EIF3G: variants seen among roughly 807,000 people sequenced by gnomAD.
The protein encoded by EIF3G is eukaryotic translation initiation factor 3 RNA-binding subunit.
EIF3G carries 10 observed loss-of-function variants against 41.7 expected under a neutral mutation model. The observed-to-expected ratio is 0.24, with a 90% confidence interval of 0.15 to 0.41. The LOEUF is 0.41. Among genes scored for constraint, EIF3G ranks in the 10% least tolerant of loss-of-function variants. The pLI is 1.00. For synonymous variants in EIF3G, 204 were observed against 172.5 expected (o/e 1.18, Z -1.43); for missense variants, 297 against 444.0 (o/e 0.67, Z 2.98).
chr19:10,115,042 T>G lies in EIF3G; in HGVS notation c.*72A>C. The stretch of plus-strand genomic sequence containing the variant: ...AGAGAGTGGAGCTGCTTTATTGCCC[T>G]TGGAGCCCGCGCTCTCGGAGGCTGT... On this transcript the variant is annotated 3_prime_UTR_variant, in exon 11 of 11. Coordinates refer to ENST00000253108, the MANE Select transcript of EIF3G (RefSeq NM_003755.5). The G allele has an allele frequency of 6.2e-7, 1 of 1,603,518 alleles. No homozygotes were observed. The highest frequency in any genetic ancestry group is 1.1e-5 in the South Asian group (1 of 89,862).
chr19:10,117,412 G>A (rs2089269070), intron 5 of EIF3G: 1 of 546,952 alleles, frequency 1.8e-6, no homozygotes, highest in South Asian at 2.5e-5. Flanking sequence ...CCGGGTCCAG[G>A]TGACAGCTAC....
rs764944778 is a variant in EIF3G at position 10,115,076 on chromosome 19, G to T, written c.*38C>A. The stretch of plus-strand genomic sequence containing the variant: ...GCGCTCTCGGAGGCTGTCTTCTGTC[G>T]CCAAGGGTCCCGGACCGAGTACACA... On this transcript the variant is annotated 3_prime_UTR_variant, in exon 11 of 11. Coordinates refer to ENST00000253108, the MANE Select transcript of EIF3G (RefSeq NM_003755.5). The T allele has an allele frequency of 3.1e-6, 5 of 1,613,630 alleles. No homozygotes were observed. Among genetic ancestry groups the T allele is most frequent in the Non-Finnish European group, 4.2e-6 (5 of 1,179,910 alleles).
chr19:10,118,699 C>T lies in EIF3G; in HGVS notation c.269G>A (p.Arg90Gln), dbSNP rs1164657255. The change falls in exon 5 of 11, where the codon CGG becomes CAG. Residue 90 changes from arginine (R) to glutamine (Q), a missense_variant. Around this residue, in one of 4 missense-constraint regions of EIF3G, gnomAD observed 147 missense variants for 162.4 expected, o/e 0.91. Transcript: ENST00000253108. ...KIVRTFRIET[R>Q]KASKAVARRK... ...CCTTGCGACAGCCTTTGAAGCCTTC[C>T]GGGTCTCAATCCTGAAGGTGCGGAC... is the stretch of plus-strand genomic sequence containing the variant. The T allele has an allele frequency of 5.0e-6, 8 of 1,614,086 alleles. No homozygotes were observed. Among genetic ancestry groups the T allele is most frequent in the East Asian group, 2.2e-5 (1 of 44,882 alleles).
At position 10,116,327 on chromosome 19, in the gene EIF3G, CAG is replaced by C. The variant is rs1351513886; in HGVS notation, c.596-255_596-254del. 1.4e-5 allele frequency: 8 copies of C among 571,472 alleles called. No individual in the cohort carries two copies. The highest frequency in any genetic ancestry group is 3.8e-5 in the African/African-American group (2 of 53,158). 35.4% of individuals were successfully genotyped at this position (571,472 alleles called of 1,614,324 possible). A position where few individuals can be genotyped will look rare whatever the true frequency, so the allele number is the denominator to read the frequency against. On this transcript the variant is annotated intron_variant, in intron 7 of 10. Transcript: ENST00000253108. The surrounding 1 kb of genome is among the most constrained non-coding windows in gnomAD (Gnocchi z 4.1). The stretch of plus-strand genomic sequence containing the variant: ...CACCCCAGAGAGGGCGGGAGGACAA[CAG>C]GGGCAGCAGCCTCACATGCACAGCA...
In EIF3G at chr19:10,116,323, A is replaced by G; in HGVS notation, c.596-249T>C. ...ACCCCACCCCAGAGAGGGCGGGAGG[A>G]CAACAGGGGCAGCAGCCTCACATGC... On this transcript the variant is annotated intron_variant, in intron 7 of 10. Coordinates refer to ENST00000253108, the MANE Select transcript of EIF3G (RefSeq NM_003755.5). The surrounding 1 kb of genome is among the most constrained non-coding windows in gnomAD (Gnocchi z 4.1). 3.5e-6 allele frequency: 2 copies of G among 573,254 alleles called. No homozygotes were observed. The highest frequency in any genetic ancestry group is 4.1e-5 in the South Asian group (2 of 48,220). 35.5% of individuals were successfully genotyped at this position (573,254 alleles called of 1,614,324 possible). A position where few individuals can be genotyped will look rare whatever the true frequency, so the allele number is the denominator to read the frequency against.
chr19:10,119,844 A>T lies in EIF3G; in HGVS notation c.16T>A (p.Phe6Ile). 2 of 1,614,210 alleles carry T rather than the reference A, an allele frequency of 1.2e-6. No homozygotes were observed. The highest frequency in any genetic ancestry group is 8.5e-7 in the Non-Finnish European group (1 of 1,180,048). The change falls in exon 1 of 11, where the codon TTT (phenylalanine) becomes ATT (isoleucine). Residue 6 changes from phenylalanine to isoleucine, a missense_variant. Physicochemically the swap from Phe to Ile is conservative, Grantham distance 21. Around this residue, in one of 4 missense-constraint regions of EIF3G, gnomAD observed 147 missense variants for 162.4 expected, o/e 0.91. Coordinates refer to ENST00000253108, the MANE Select transcript of EIF3G (RefSeq NM_003755.5). ...TTTCCGCGATCGCCGACTCACTCAA[A>T]GTCTCCAGTAGGCATCGCAAAAAGT... MPTGD[F>I]DSKPSWADQV...
intron 3 of EIF3G, 40 bp downstream of exon 3, chr19:10,119,048 A>G (rs757949445): frequency 6.2e-7 from 1 of 1,601,500 alleles, no homozygotes; most frequent in Non-Finnish European, 8.5e-7. Flanking sequence ...CCGGACACCG[A>G]GTGGCAGTCC....
chr19:10,117,989 C>T (rs2089273866), intron 5 of EIF3G: 1 of 152,224 alleles, frequency 6.6e-6, no homozygotes, highest in Admixed American at 6.6e-5. Context: ...GAGTTCAAGG[C>T]TGCAGTAAGC....
At chr19:10,117,898 T>A (rs2089273179) in intron 5 of EIF3G, among the ~76,000 whole-genome samples, 1 of 151,648 alleles carries the variant, frequency 6.6e-6, no homozygotes, top group African/African-American at 2.4e-5. Flanking sequence ...CTACAAACAA[T>A]TAAAATTAGC....
In EIF3G at chr19:10,119,855, G is replaced by A. The variant is rs200361874; in HGVS notation, c.5C>T (p.Pro2Leu). The change falls in exon 1 of 11, where the codon CCT becomes CTT. Residue 2 changes from proline (P) to leucine (L), a missense_variant. Pro to Leu is a moderately conservative substitution (Grantham distance 98). This residue lies in a region of EIF3G where 147 missense variants were observed against 162.4 expected (regional missense o/e 0.91). Coordinates refer to ENST00000253108, the MANE Select transcript of EIF3G (RefSeq NM_003755.5). ...GCCGACTCACTCAAAGTCTCCAGTA[G>A]GCATCGCAAAAAGTATTCTCCACGC... M[P>L]TGDFDSKPSW... The A allele has an allele frequency of 3.0e-5, 48 of 1,614,142 alleles. No homozygotes were observed. In the African/African-American group the frequency reaches 6.3e-4, roughly 21 times the overall value.
rs1427604555 is a variant in EIF3G, at chr19:10,116,792, C to A, written c.595+8G>T. On this transcript the variant is annotated splice_region_variant and intron_variant, in intron 7 of 10. Transcript: ENST00000253108. This position sits in a 1 kb window ranked among gnomAD's most constrained non-coding sequence, Gnocchi z 4.1. ...TGCACTGACAGCAGGACCCTCCCAC[C>A]CCCACACCTCCCGGCAGCTTCTCCT... 1 of 1,569,710 alleles carries A rather than the reference C, an allele frequency of 6.4e-7. No individual in the cohort carries two copies. Among genetic ancestry groups the A allele is most frequent in the Admixed American group, 1.8e-5 (1 of 56,394 alleles).
At chr19:10,119,488 G>A (rs1056165299) in intron 2 of EIF3G, 166 bp downstream of exon 2, 18 of 913,632 alleles carry the variant, frequency 2.0e-5, no homozygotes, top group Non-Finnish European at 2.8e-5. Context: ...AGAGGGACCC[G>A]CCGGGGAACA....
rs1235834503 is a variant in EIF3G at position 10,116,506 on chromosome 19, TAC to T, written c.595+292_595+293del. On this transcript the variant is annotated intron_variant, in intron 7 of 10. Coordinates refer to ENST00000253108, the MANE Select transcript of EIF3G (RefSeq NM_003755.5). This position sits in a 1 kb window ranked among gnomAD's most constrained non-coding sequence, Gnocchi z 4.1. Reference sequence around the variant, plus strand: ...CCACAGGCATGCAACGGAGACACTATACACACAGTGCGCACACACGATGTGGG... The same window carrying T: ...CCACAGGCATGCAACGGAGACACTATACACAGTGCGCACACACGATGTGGG... The T allele has an allele frequency of 2.0e-5, 10 of 510,178 alleles. No individual in the cohort carries two copies. In the Admixed American group the frequency reaches 2.8e-4, roughly 14 times the overall value. 31.6% of individuals were successfully genotyped at this position (510,178 alleles called of 1,614,324 possible). A position where few individuals can be genotyped will look rare whatever the true frequency, so the allele number is the denominator to read the frequency against.
At chr19:10,118,528 G>C (rs776271624) in intron 5 of EIF3G, 140 bp downstream of exon 5, 1 of 921,324 alleles carries the variant, frequency 1.1e-6, no homozygotes, top group South Asian at 1.5e-5. Flanking sequence ...TCGTGCCACT[G>C]CACTTCAGCC....
At position 10,115,617 on chromosome 19, in the gene EIF3G, GCTAGGACAGGCGACC is replaced by G. The variant is rs772114181; in HGVS notation, c.841-47_841-33del. On this transcript the variant is annotated intron_variant, in intron 9 of 10. Coordinates refer to ENST00000253108, the MANE Select transcript of EIF3G (RefSeq NM_003755.5). ...AGGGGCGGGATGGGGTCGGGCACGA[GCTAGGACAGGCGACC>G]CTAGGACAAGTGACCCTCACACAGC... The G allele has an allele frequency of 1.7e-5, 28 of 1,612,160 alleles. No homozygotes were observed. The African/African-American group carries it at 3.3e-4, about 19-fold the overall frequency.
chr19:10,117,557 G>A (rs2089270260), intron 5 of EIF3G: 1 of 225,778 alleles, frequency 4.4e-6, no homozygotes, highest in Non-Finnish European at 8.6e-6. Context: ...CTTATAAAAC[G>A]GGAACCACAA....
At position 10,116,525 on chromosome 19, in the gene EIF3G, C is replaced by T. The variant is rs539774640; in HGVS notation, c.595+275G>A. On this transcript the variant is annotated intron_variant, in intron 7 of 10. Transcript: ENST00000253108. This position sits in a 1 kb window ranked among gnomAD's most constrained non-coding sequence, Gnocchi z 4.1. ...ACACTATACACACAGTGCGCACACA[C>T]GATGTGGGGTGGTCAGCACCCTGGG... The T allele has an allele frequency of 6.8e-5, 35 of 513,880 alleles. No individual in the cohort carries two copies. In the South Asian group the frequency reaches 6.9e-4, roughly 10 times the overall value. The allele number at this position is 513,880 out of a possible 1,614,324, so 31.8% of individuals were successfully genotyped here. A position where few individuals can be genotyped will look rare whatever the true frequency, so the allele number is the denominator to read the frequency against.
chr19:10,117,209 G>T, intron 5 of EIF3G, 21 bp from the exon 6 acceptor site: 1 of 1,578,208 alleles, frequency 6.3e-7, no homozygotes, highest in Non-Finnish European at 8.7e-7. Flanking sequence ...GGAGGGATGG[G>T]GGACAGTTGA....
In EIF3G at chr19:10,115,962, C is replaced by T. The variant is rs935955265; in HGVS notation, c.703+5G>A. On this transcript the variant is annotated splice_donor_5th_base_variant and intron_variant, in intron 8 of 10. Coordinates refer to ENST00000253108, the MANE Select transcript of EIF3G (RefSeq NM_003755.5). ...CCACCAGCCTGGCGTCGGGGTGCCC[C>T]TCACCTCTGCGGTTGGGCTGCATGG... is the stretch of plus-strand genomic sequence containing the variant. The T allele has an allele frequency of 6.2e-7, 1 of 1,612,688 alleles. No individual in the cohort carries two copies. The highest frequency in any genetic ancestry group is 2.2e-5 in the East Asian group (1 of 44,858).
Sources: allele counts gnomAD v4.1 joint callset (sites outside exome capture counted in the v4.1 genomes callset), GRCh38; gene constraint gnomAD v4.1.1; regional missense constraint gnomAD v4.1.1; non-coding constraint Gnocchi (gnomAD v3.1); transcripts MANE v1.5; gene names NCBI Gene and HGNC (gene_info 2026-07-23, HGNC 2026-07-21).